SGCZ: variants seen among roughly 807,000 people sequenced by gnomAD.
SGCZ encodes zeta-sarcoglycan.
Under a neutral mutation model 41.3 loss-of-function variants are expected in SGCZ, and 40 were observed. That is an observed-to-expected ratio of 0.97 (90% CI 0.75 to 1.26). The LOEUF is 1.26. Among genes scored for constraint, SGCZ ranks in the 50% most tolerant of loss-of-function variants. SGCZ has a pLI of 0.00. For missense variants in SGCZ, 552 were observed against 369.8 expected (o/e 1.49, Z -4.04); for synonymous variants, 206 against 137.5 (o/e 1.50, Z -3.49).
intron 1 of SGCZ, among the ~76,000 whole-genome samples, chr8:14,913,298 T>C (rs1482394718): frequency 6.6e-6 from 1 of 152,076 alleles, no homozygotes; most frequent in Admixed American, 6.6e-5. Flanking sequence ...TATGTATCTG[T>C]GTACTGCCCT....
At chr8:14,241,666 C>G (rs1395960842) in intron 3 of SGCZ, among the ~76,000 whole-genome samples, 8 of 151,900 alleles carry the variant, frequency 5.3e-5, no homozygotes, top group Admixed American at 5.2e-4. Context: ...GAACTTGCCT[C>G]TAGCTCTAGA....
At chr8:14,200,023 C>T (rs1274661778) in intron 4 of SGCZ, among the ~76,000 whole-genome samples, 8 of 152,112 alleles carry the variant, frequency 5.3e-5, no homozygotes, top group Non-Finnish European at 1.0e-4. Flanking sequence ...ACGACGTAAA[C>T]AGAAACGTAT....
intron 1 of SGCZ, among the ~76,000 whole-genome samples, chr8:15,048,819 G>T (rs184615700): frequency 6.6e-6 from 1 of 151,794 alleles, no homozygotes; most frequent in African/African-American, 2.4e-5. Flanking sequence ...TTTTTTTAAC[G>T]TAAGAAAAGA....
chr8:14,971,289 T>G (rs1000865716), intron 1 of SGCZ, among the ~76,000 whole-genome samples: 3 of 152,148 alleles, frequency 2.0e-5, no homozygotes, highest in African/African-American at 7.2e-5. Context: ...TTTCACTGGG[T>G]AACATCTCCA....
chr8:14,842,290 G>C (rs1585310493), intron 1 of SGCZ, among the ~76,000 whole-genome samples: 1 of 151,634 alleles, frequency 6.6e-6, no homozygotes, highest in South Asian at 2.1e-4. Flanking sequence ...TAATCAAAGT[G>C]GAATAAAGAG....
At chr8:14,414,715 T>G (rs1799449602) in intron 2 of SGCZ, among the ~76,000 whole-genome samples, 2 of 151,970 alleles carry the variant, frequency 1.3e-5, no homozygotes, top group African/African-American at 4.8e-5. Flanking sequence ...GATTCAAGCA[T>G]GTGATACCTT....
At chr8:15,033,021 T>C (rs563264572) in intron 1 of SGCZ, among the ~76,000 whole-genome samples, 4 of 152,158 alleles carry the variant, frequency 2.6e-5, no homozygotes, top group Non-Finnish European at 5.9e-5. Context: ...CCAGCGCCTG[T>C]GGACACAAGC....
chr8:15,226,129 A>T (rs961337449), intron 1 of SGCZ, among the ~76,000 whole-genome samples: 1 of 152,198 alleles, frequency 6.6e-6, no homozygotes, highest in Non-Finnish European at 1.5e-5. Context: ...ACTAATATGC[A>T]GCTCAGAAAT....
At chr8:14,600,018 G>C (rs959915590) in intron 1 of SGCZ, among the ~76,000 whole-genome samples, 2 of 151,820 alleles carry the variant, frequency 1.3e-5, no homozygotes, top group Non-Finnish European at 2.9e-5. Context: ...ATTCCTATGA[G>C]GTCTTTATCC....
intron 2 of SGCZ, among the ~76,000 whole-genome samples, chr8:14,425,843 C>A (rs1234057121): frequency 6.6e-6 from 1 of 151,700 alleles, no homozygotes; most frequent in Non-Finnish European, 1.5e-5. Flanking sequence ...GAGTAAGGAC[C>A]AAGTAATAAC....
intron 1 of SGCZ, among the ~76,000 whole-genome samples, chr8:14,918,115 G>A (rs1563362420): frequency 6.6e-6 from 1 of 152,146 alleles, no homozygotes; most frequent in Non-Finnish European, 1.5e-5. Flanking sequence ...AGAAGATACT[G>A]AGCAATCTTT....
chr8:14,283,937 G>T (rs1226241553), intron 3 of SGCZ, among the ~76,000 whole-genome samples: 3 of 152,100 alleles, frequency 2.0e-5, no homozygotes, highest in African/African-American at 4.8e-5. Context: ...AACTTATTTT[G>T]TTGCTTATTG....
chr8:14,586,805 T>C (rs1315975607), intron 1 of SGCZ, among the ~76,000 whole-genome samples: 3 of 152,124 alleles, frequency 2.0e-5, no homozygotes, highest in African/African-American at 7.2e-5. Flanking sequence ...AATTAGTTCT[T>C]TGTTTTCTTC....
intron 1 of SGCZ, among the ~76,000 whole-genome samples, chr8:14,751,065 G>A (rs1435792944): frequency 6.6e-6 from 1 of 152,144 alleles, no homozygotes; most frequent in African/African-American, 2.4e-5. Context: ...TTTTAAATTG[G>A]ATGTAAAAGT....
intron 1 of SGCZ, among the ~76,000 whole-genome samples, chr8:15,082,369 T>C (rs570628528): frequency 2.0e-5 from 3 of 152,038 alleles, no homozygotes; most frequent in African/African-American, 4.8e-5. Flanking sequence ...CACATGTTGG[T>C]TAATTAACAG....
At chr8:14,227,482 G>C (rs11992831) in intron 4 of SGCZ, among the ~76,000 whole-genome samples, 90,686 of 151,766 alleles carry the variant, frequency 0.6, 27,424 homozygotes, top group East Asian at 0.76. Flanking sequence ...TAGGATTATT[G>C]GATCAAAACA....
chr8:14,463,987 T>C (rs1259908186), intron 2 of SGCZ, among the ~76,000 whole-genome samples: 1 of 151,304 alleles, frequency 6.6e-6, no homozygotes, highest in Non-Finnish European at 1.5e-5. Flanking sequence ...CCATGGTTTG[T>C]AACCTTTTTA....
At chr8:14,255,752 G>C (rs897760554) in intron 3 of SGCZ, among the ~76,000 whole-genome samples, 1 of 152,052 alleles carries the variant, frequency 6.6e-6, no homozygotes, top group Non-Finnish European at 1.5e-5. Context: ...GCAGTATAAT[G>C]TGTGGGATGA....
intron 4 of SGCZ, among the ~76,000 whole-genome samples, chr8:14,206,013 G>C (rs551117085): frequency 1.3e-5 from 2 of 151,760 alleles, no homozygotes; most frequent in Non-Finnish European, 2.9e-5. Context: ...ATTTAAACTC[G>C]GTTCTCTGCT....
Sources: gnomAD v4.1 joint callset for allele counts (sites outside exome capture counted in the v4.1 genomes callset) on GRCh38, gnomAD v4.1.1 for gene constraint, MANE v1.5 for transcripts, NCBI Gene and HGNC (gene_info 2026-07-23, HGNC 2026-07-21) for gene names.